The following PKD2L1 variants were observed in gnomAD, a reference collection of about 807,000 sequenced individuals.
The protein encoded by PKD2L1 is polycystin-2-like protein 1.
In PKD2L1, 77 loss-of-function variants were observed where a neutral mutation model predicts 93.0. The observed-to-expected ratio is 0.83, with a 90% CI of 0.69 to 1.00. The LOEUF (loss-of-function observed/expected upper bound fraction) is 1.00. Among genes scored for constraint, PKD2L1 ranks in the 50% least tolerant of loss-of-function variants. PKD2L1 has a pLI of 0.00. For missense variants in PKD2L1, 977 were observed against 990.9 expected, an observed-to-expected ratio of 0.99 and a Z score of 0.19; for synonymous variants, 390 against 388.0, an observed-to-expected ratio of 1.01 and a Z score of -0.06.
At chr10:100,314,387 G>C (rs1343119125) in intron 2 of PKD2L1, among the ~76,000 whole-genome samples, 2 of 152,152 alleles carry the variant, frequency 1.3e-5, no homozygotes, top group Non-Finnish European at 2.9e-5. Flanking sequence ...AGAGGTAGGC[G>C]AGAAGAAAGC....
At position 100,298,819 on chromosome 10, in the gene PKD2L1, A is replaced by T; in HGVS notation, c.478-4T>A. The T allele has an allele frequency of 6.2e-7, 1 of 1,609,032 alleles. No homozygotes were observed. The highest frequency in any genetic ancestry group is 8.5e-7 in the Non-Finnish European group (1 of 1,177,172). On this transcript the variant is annotated splice_polypyrimidine_tract_variant and splice_region_variant and intron_variant, in intron 3 of 15. Transcript: ENST00000318222. The stretch of plus-strand genomic sequence containing the variant: ...CCAGTAGTGGGCCCTGGGCAAACTG[A>T]ACCACAAGCTGGCTTGAACCTTACC...
chr10:100,304,450 T>C (rs1053710102), intron 2 of PKD2L1, among the ~76,000 whole-genome samples: 5 of 152,232 alleles, frequency 3.3e-5, no homozygotes, highest in African/African-American at 1.2e-4. Context: ...TTCTACAATG[T>C]ATAAAATACC....
chr10:100,317,895 T>C (rs1019574467), intron 2 of PKD2L1, among the ~76,000 whole-genome samples: 7 of 151,976 alleles, frequency 4.6e-5, no homozygotes, highest in African/African-American at 1.5e-4. Context: ...CTGGCCAACA[T>C]GGCGAAATCC....
chr10:100,294,996 C>G lies in PKD2L1; in HGVS notation c.1484G>C (p.Gly495Ala). 1 of 1,614,150 alleles carries G rather than the reference C, an allele frequency of 6.2e-7. No individual in the cohort carries two copies. The highest frequency in any genetic ancestry group is 8.5e-7 in the Non-Finnish European group (1 of 1,180,022). The change falls in exon 8 of 16, where the codon GGC (glycine) becomes GCC (alanine). Residue 495 changes from glycine (G) to alanine (A), a missense_variant. Coordinates refer to ENST00000318222, the MANE Select transcript of PKD2L1 (RefSeq NM_016112.3). ...FIVFFAYAQL[G>A]YLLFGTQVEN... ...CACTTGGGTCCCGAAAAGCAGGTAG[C>G]CGAGTTGGGCATAGGCGAAGAAAAC...
At chr10:100,316,763 G>A (rs185046689) in intron 2 of PKD2L1, among the ~76,000 whole-genome samples, 62 of 152,228 alleles carry the variant, frequency 4.1e-4, no homozygotes, top group African/African-American at 1.5e-3. Context: ...TCATTTATTT[G>A]GGTTATATCT....
chr10:100,310,161 C>A (rs900894129), intron 2 of PKD2L1, among the ~76,000 whole-genome samples: 3 of 152,114 alleles, frequency 2.0e-5, no homozygotes, highest in Admixed American at 2.0e-4. Context: ...GGGTGAGACC[C>A]CATTTCTACA....
At position 100,298,740 on chromosome 10, in the gene PKD2L1, G is replaced by A. The variant is rs773623289; in HGVS notation, c.553C>T (p.His185Tyr). ...YNNQSLGHGS[H>Y]SFIYYENMLL... ...ATGTTCTCATAGTAGATGAAGGAGT[G>A]GGAGCCATGGCCCAGGCTCTGGTTG... Residue 185 changes from histidine (H) to tyrosine (Y), a missense_variant, in exon 4 of 16, where the codon CAC becomes TAC. His to Tyr is a moderately conservative substitution (Grantham distance 83, BLOSUM62 2). Transcript: ENST00000318222. 9 of 1,613,968 alleles carry A rather than the reference G, an allele frequency of 5.6e-6. 1 individual carries two copies. In the South Asian group the frequency reaches 8.8e-5, roughly 16 times the overall value.
chr10:100,306,488 G>A (rs17112902), intron 2 of PKD2L1, among the ~76,000 whole-genome samples: 1,616 of 152,236 alleles, frequency 0.011, 18 homozygotes, highest in Middle Eastern at 0.037. Context: ...AAATCACTGA[G>A]TTCACTGTCC....
intron 2 of PKD2L1, among the ~76,000 whole-genome samples, chr10:100,313,473 T>C (rs1211093173): frequency 6.6e-6 from 1 of 152,200 alleles, no homozygotes; most frequent in Non-Finnish European, 1.5e-5. Flanking sequence ...GAGCGGTAAC[T>C]AAGTTAATAG....
chr10:100,300,923 C>T (rs1848660482), intron 2 of PKD2L1, among the ~76,000 whole-genome samples: 1 of 152,086 alleles, frequency 6.6e-6, no homozygotes, highest in African/African-American at 2.4e-5. Flanking sequence ...AAAAACTCCG[C>T]TATCGGGGGA....
Position 100,320,422 on chromosome 10 carries a change from A to G in PKD2L1, c.349+8789T>C, listed in dbSNP as rs114921050. Among the ~76,000 whole-genome samples the G allele has an allele frequency of 6.0e-3, 911 of 152,332 alleles. 14 individuals carry two copies. The highest frequency in any genetic ancestry group is 0.02 in the African/African-American group (852 of 41,574). The stretch of plus-strand genomic sequence containing the variant: ...AGAAACATGGTCAGTATGGTTGACC[A>G]TGATAGTCTACTAGGGCTTGTCCCC... On this transcript the variant is annotated intron_variant, in intron 2 of 15. Transcript: ENST00000318222.
rs376864332 is a variant in PKD2L1 at position 100,288,971 on chromosome 10, C to G, written c.2335+1G>C. 2 of 1,593,232 alleles carry G rather than the reference C, an allele frequency of 1.3e-6. No individual in the cohort carries two copies. The highest frequency in any genetic ancestry group is 2.7e-5 in the African/African-American group (2 of 74,056). On this transcript the variant is annotated splice_donor_variant, in intron 15 of 15. Transcript: ENST00000318222. LOFTEE classifies it high-confidence loss of function. ...CTGATGCTTTAGGCCCCCTTCCTCA[C>G]CACTCTCCTGCCCACCCTGGACTCC... is the stretch of plus-strand genomic sequence containing the variant.
chr10:100,317,505 C>CTCAG (rs1320221826), intron 2 of PKD2L1, among the ~76,000 whole-genome samples: 3 of 152,228 alleles, frequency 2.0e-5, no homozygotes, highest in Non-Finnish European at 2.9e-5. Context: ...CAGCACTGTA[C>CTCAG]TCAGCCTCAG....
At chr10:100,310,202 C>T (rs1169521048) in intron 2 of PKD2L1, among the ~76,000 whole-genome samples, 1 of 152,090 alleles carries the variant, frequency 6.6e-6, no homozygotes, top group Non-Finnish European at 1.5e-5. Context: ...GATGTGGTGG[C>T]ACACATCTGT....
chr10:100,288,400 C>G lies in PKD2L1; in HGVS notation c.2414G>C (p.Ser805Thr), dbSNP rs1202868548. The G allele has an allele frequency of 1.9e-6, 3 of 1,606,546 alleles. No homozygotes were observed. The South Asian group carries it at 3.3e-5, about 18-fold the overall frequency. The change falls in exon 16 of 16, where the codon AGT becomes ACT. Residue 805 changes from serine (S) to threonine (T), a missense_variant. Transcript: ENST00000318222. ...SRGEIPTLQR[S>T] ...TGCTCCGGGAGTGCCTCACACTTAACTCCTCTGCAACGTTGGAATCTCACC... is the reference window on the plus strand; with the variant it reads ...TGCTCCGGGAGTGCCTCACACTTAAGTCCTCTGCAACGTTGGAATCTCACC...
chr10:100,311,179 C>T (rs1436299879), intron 2 of PKD2L1, among the ~76,000 whole-genome samples: 4 of 152,172 alleles, frequency 2.6e-5, no homozygotes, highest in Non-Finnish European at 4.4e-5. Flanking sequence ...ACTATGAAAC[C>T]TATTTGAGTT....
chr10:100,299,787 C>A lies in PKD2L1; in HGVS notation c.350-69G>T, dbSNP rs1848638489. 4 of 1,449,104 alleles carry A rather than the reference C, an allele frequency of 2.8e-6. No homozygotes were observed. The South Asian group carries it at 4.6e-5, about 17-fold the overall frequency. The allele number at this position is 1,449,104 out of a possible 1,614,324, so 89.8% of individuals were successfully genotyped here. On this transcript the variant is annotated intron_variant, in intron 2 of 15. Transcript: ENST00000318222. ...CAGAGGAGACAGGAAAGCCTATTGCCCTGGAGTCAGAGATGCTTCCAAGAT... is the reference window on the plus strand; with the variant it reads ...CAGAGGAGACAGGAAAGCCTATTGCACTGGAGTCAGAGATGCTTCCAAGAT...
Position 100,295,099 on chromosome 10 carries a change from T to A in PKD2L1, c.1381A>T (p.Lys461Ter). 1 of 1,614,034 alleles carries A rather than the reference T, an allele frequency of 6.2e-7. No individual in the cohort carries two copies. Among genetic ancestry groups the A allele is most frequent in the African/African-American group, 1.3e-5 (1 of 75,032 alleles). The change falls in exon 8 of 16, where the codon AAA becomes TAA. Residue 461 changes from lysine to a stop codon, truncating the protein, a stop_gained. Transcript: ENST00000318222. LOFTEE classifies it high-confidence loss of function. ...IKIFKYISFN[K>*]TMTQLSSTLA... ...GTGGAGGAGAGCTGGGTCATGGTTTTGTTGAAGCTGATGTACTTGAATATC... is the reference window on the plus strand; with the variant it reads ...GTGGAGGAGAGCTGGGTCATGGTTTAGTTGAAGCTGATGTACTTGAATATC...
chr10:100,296,852 A>T, intron 6 of PKD2L1, 128 bp downstream of exon 6: 2 of 636,450 alleles, frequency 3.1e-6, no homozygotes, highest in Non-Finnish European at 5.6e-6. Flanking sequence ...GGGAGCTGTT[A>T]AATGATGATT....
Sources: gnomAD v4.1 joint callset for allele counts (sites outside exome capture counted in the v4.1 genomes callset) on GRCh38, gnomAD v4.1.1 for gene constraint, MANE v1.5 for transcripts, NCBI Gene and HGNC (gene_info 2026-07-23, HGNC 2026-07-21) for gene names.